The following EDIL3 variants were observed in gnomAD, a reference collection of about 807,000 sequenced individuals.
EDIL3 encodes the protein EGF like and discoidin domains 3.
A neutral mutation model predicts 67.4 loss-of-function variants in EDIL3; 37 were observed. The observed-to-expected ratio is 0.55, with a 90% CI of 0.42 to 0.72. EDIL3 has a LOEUF of 0.72. Ranked by LOEUF, EDIL3 falls within the 30% of genes least tolerant of loss-of-function variation. The probability of loss-of-function intolerance (pLI) is 0.00; values close to 1 mark genes in which losing one functional copy is unlikely to be tolerated. For synonymous variants in EDIL3, 195 were observed against 196.3 expected, an observed-to-expected ratio of 0.99 and a Z score of 0.05; for missense variants, 527 against 586.3, an observed-to-expected ratio of 0.90 and a Z score of 1.04.
chr5:83,946,224 T>C (rs1340174363), intron 10 of EDIL3, among the ~76,000 whole-genome samples: 1 of 151,986 alleles, frequency 6.6e-6, no homozygotes. Context: ...TGAAAATATT[T>C]TACATGAGAA....
intron 3 of EDIL3, among the ~76,000 whole-genome samples, chr5:84,190,579 G>GTA (rs138685119): frequency 2.8e-4 from 34 of 122,070 alleles, no homozygotes; most frequent in Admixed American, 1.5e-3. Flanking sequence ...GTGTGTGTGT[G>GTA]TATATATATA....
Position 84,160,742 on chromosome 5 carries a change from TTTCTTTCCTTTCCTTTCCTTTCC to T in EDIL3, c.355+19628_355+19650del, listed in dbSNP as rs1446324270. ...CATTTTCTTCTTTTTTTTCTTTTCT[TTTCTTTCCTTTCCTTTCCTTTCC>T]TTTCCTTTCCTTTCCTTTCCTTTCC... On this transcript the variant is annotated intron_variant, in intron 4 of 10. Transcript: ENST00000296591. 6.3e-3 allele frequency among the ~76,000 whole-genome samples: 873 copies of T among 139,114 alleles called. 16 individuals are homozygous for T. The highest frequency in any genetic ancestry group is 0.028 in the Middle Eastern group (7 of 254). 91.3% of individuals were successfully genotyped at this position (139,114 alleles called of 152,430 possible). A position where few individuals can be genotyped will look rare whatever the true frequency, so the allele number is the denominator to read the frequency against.
intron 1 of EDIL3, among the ~76,000 whole-genome samples, chr5:84,299,576 C>T (rs969496781): frequency 1.3e-5 from 2 of 152,120 alleles, no homozygotes; most frequent in Non-Finnish European, 2.9e-5. Context: ...CCCCCACTGT[C>T]CCAACATAAA....
chr5:84,149,837 A>G (rs1748355664), intron 4 of EDIL3, among the ~76,000 whole-genome samples: 1 of 152,112 alleles, frequency 6.6e-6, no homozygotes, highest in Admixed American at 6.6e-5. Flanking sequence ...CCAGAAAGGA[A>G]TAATAGCAAA....
intron 9 of EDIL3, among the ~76,000 whole-genome samples, chr5:84,033,009 C>T (rs1745956122): frequency 6.6e-6 from 1 of 152,182 alleles, no homozygotes; most frequent in African/African-American, 2.4e-5. Context: ...TGAATGGCCC[C>T]TCTGTTGGTT....
In EDIL3 at chr5:84,124,367, A is replaced by G. The variant is rs1747827382; in HGVS notation, c.469+12874T>C. Among the ~76,000 whole-genome samples, 6 of 151,984 alleles carry G rather than the reference A, an allele frequency of 3.9e-5. No homozygotes were observed. In the South Asian group the frequency reaches 1.2e-3, roughly 31 times the overall value. ...CCATTTTAGAATGAAATAAAATTGA[A>G]TAATTAATTTTGTGGTTCCCAAGTA... On this transcript the variant is annotated intron_variant, in intron 5 of 10. Coordinates refer to ENST00000296591, the MANE Select transcript of EDIL3 (RefSeq NM_005711.5).
At chr5:83,970,132 A>G in intron 9 of EDIL3, among the ~76,000 whole-genome samples, 1 of 151,590 alleles carries the variant, frequency 6.6e-6, no homozygotes, top group Non-Finnish European at 1.5e-5. Context: ...CACAAGTGAG[A>G]ACACGTGTGC....
At chr5:84,331,672 C>T (rs186953277) in intron 1 of EDIL3, among the ~76,000 whole-genome samples, 7 of 152,040 alleles carry the variant, frequency 4.6e-5, no homozygotes, top group African/African-American at 1.2e-4. Context: ...TTCACAGCAG[C>T]GTGAGATGAA....
intron 5 of EDIL3, among the ~76,000 whole-genome samples, chr5:84,131,778 G>A (rs879686080): frequency 6.6e-6 from 1 of 152,054 alleles, no homozygotes; most frequent in African/African-American, 2.4e-5. Flanking sequence ...AGATTTGCCT[G>A]TCATTATTTA....
In EDIL3 at chr5:84,052,888, A is replaced by G. The variant is rs561099405; in HGVS notation, c.1137+7412T>C. ...ACTTTAATACCCCACTGTCAACATT[A>G]GACAGATCAACAAGACAGACAGTTA... On this transcript the variant is annotated intron_variant, in intron 9 of 10. Coordinates refer to ENST00000296591, the MANE Select transcript of EDIL3 (RefSeq NM_005711.5). Among the ~76,000 whole-genome samples the G allele has an allele frequency of 2.6e-5, 4 of 152,326 alleles. No homozygotes were observed. The South Asian group carries it at 8.3e-4, about 32-fold the overall frequency.
At chr5:84,317,101 C>G (rs925365195) in intron 1 of EDIL3, among the ~76,000 whole-genome samples, 1 of 151,962 alleles carries the variant, frequency 6.6e-6, no homozygotes, top group African/African-American at 2.4e-5. Context: ...TCTGGGACAC[C>G]TTTAAAGCAG....
intron 1 of EDIL3, among the ~76,000 whole-genome samples, chr5:84,353,595 C>G (rs1580096308): frequency 6.6e-6 from 1 of 152,028 alleles, no homozygotes; most frequent in East Asian, 1.9e-4. Context: ...TAAAATTTCC[C>G]TAGTATTCAG....
Position 84,226,642 on chromosome 5 carries a change from A to C in EDIL3, c.226+3213T>G, listed in dbSNP as rs557556518. 4.6e-5 allele frequency among the ~76,000 whole-genome samples: 7 copies of C among 152,030 alleles called. No homozygotes were observed. The South Asian group carries it at 1.4e-3, about 31-fold the overall frequency. On this transcript the variant is annotated intron_variant, in intron 3 of 10. Coordinates refer to ENST00000296591, the MANE Select transcript of EDIL3 (RefSeq NM_005711.5). ...TCCCATTGTCTGCTTTTTATACAAA[A>C]GGAGTGTCTACTTTACTAAATGACA...
intron 3 of EDIL3, among the ~76,000 whole-genome samples, chr5:84,195,996 C>T (rs1743695735): frequency 6.6e-6 from 1 of 151,850 alleles, no homozygotes. Context: ...TTGTCAGACC[C>T]TTCAATTTTT....
At chr5:83,982,374 A>G (rs1361697284) in intron 9 of EDIL3, among the ~76,000 whole-genome samples, 6 of 152,130 alleles carry the variant, frequency 3.9e-5, no homozygotes, top group Admixed American at 6.6e-5. Context: ...ACTCAAATGT[A>G]AGGGCTCTAA....
intron 9 of EDIL3, among the ~76,000 whole-genome samples, chr5:83,974,207 C>A (rs1744839603): frequency 6.6e-6 from 1 of 151,564 alleles, no homozygotes; most frequent in Admixed American, 6.6e-5. Flanking sequence ...TCCAAAGAAA[C>A]CCAGATGTAA....
intron 1 of EDIL3, among the ~76,000 whole-genome samples, chr5:84,269,614 C>T (rs149508917): frequency 1.1e-4 from 17 of 152,206 alleles, no homozygotes; most frequent in African/African-American, 4.1e-4. Context: ...TTGGCTCTAA[C>T]AAGATGAACT....
At chr5:83,979,919 G>T (rs555886754) in intron 9 of EDIL3, among the ~76,000 whole-genome samples, 1 of 152,078 alleles carries the variant, frequency 6.6e-6, no homozygotes. Flanking sequence ...CTAATGGGCC[G>T]GGTAACACAG....
At chr5:84,131,451 G>C (rs1240539115) in intron 5 of EDIL3, among the ~76,000 whole-genome samples, 1 of 152,156 alleles carries the variant, frequency 6.6e-6, no homozygotes, top group Non-Finnish European at 1.5e-5. Flanking sequence ...AATATGTAGA[G>C]TATAATAACA....
Sources: allele counts gnomAD v4.1 joint callset (sites outside exome capture counted in the v4.1 genomes callset), GRCh38; gene constraint gnomAD v4.1.1; transcripts MANE v1.5; gene names NCBI Gene and HGNC (gene_info 2026-07-23, HGNC 2026-07-21).